The following MEAF6 variants were observed in gnomAD, a reference collection of about 807,000 sequenced individuals.
The protein encoded by MEAF6 is MYST/Esa1 associated factor 6, also known as chromatin modification-related protein MEAF6.
Under a neutral mutation model 28.9 loss-of-function variants are expected in MEAF6, and 15 were observed. The observed-to-expected ratio is 0.52, with a 90% CI of 0.35 to 0.80. MEAF6 has a LOEUF of 0.80. Ranked by LOEUF, MEAF6 falls within the 30% of genes least tolerant of loss-of-function variation. The pLI is 0.01. For synonymous variants in MEAF6, 97 were observed against 88.7 expected (o/e 1.09, Z -0.53); for missense variants, 178 against 237.5 (o/e 0.75, Z 1.65).
In MEAF6 at chr1:37,501,794, T is replaced by C. The variant is rs1365870216; in HGVS notation, c.533+10A>G. On this transcript the variant is annotated intron_variant, in intron 5 of 6. Transcript: ENST00000296214. ...ATGGGAGCTGCGGGGGTGGGATCCC[T>C]GCCACTGACCTGTGCCGGTTTTTAT... The C allele has an allele frequency of 1.3e-6, 2 of 1,552,270 alleles. No individual in the cohort carries two copies. Among genetic ancestry groups the C allele is most frequent in the South Asian group, 1.2e-5 (1 of 84,774 alleles).
rs1642328441 is a variant in MEAF6, at chr1:37,502,139, TACATGTTGACAGAGA to T, written c.341-158_341-144del. 5 of 493,856 alleles carry T rather than the reference TACATGTTGACAGAGA, an allele frequency of 1.0e-5. No homozygotes were observed. In the Admixed American group the frequency reaches 1.8e-4, roughly 17 times the overall value. 30.6% of individuals were successfully genotyped at this position (493,856 alleles called of 1,614,324 possible). On this transcript the variant is annotated intron_variant, in intron 4 of 6. Transcript: ENST00000296214. Reference sequence around the variant, plus strand: ...AGAAGATACATGTTGACAGAGAAGATACATGTTGACAGAGAAGATACATACAAAGGATCCAAGTGA... The same window carrying T: ...AGAAGATACATGTTGACAGAGAAGATAGATACATACAAAGGATCCAAGTGA...
intron 6 of MEAF6, among the ~76,000 whole-genome samples, chr1:37,495,042 T>C (rs1440471606): frequency 6.6e-6 from 1 of 151,142 alleles, no homozygotes; most frequent in Non-Finnish European, 1.5e-5. Context: ...TCATTAAAAA[T>C]GTATGTGACC....
intron 5 of MEAF6, among the ~76,000 whole-genome samples, chr1:37,500,236 C>T (rs1002552469): frequency 4.6e-5 from 7 of 151,938 alleles, no homozygotes; most frequent in African/African-American, 1.7e-4. Context: ...GCAGAGGCTG[C>T]AGGGGCTGAG....
chr1:37,510,019 T>C (rs1433941658), intron 2 of MEAF6, among the ~76,000 whole-genome samples: 4 of 151,820 alleles, frequency 2.6e-5, no homozygotes, highest in Non-Finnish European at 5.9e-5. Context: ...TCAGGTGATC[T>C]ACCCACATCA....
rs1264365389 is a variant in MEAF6 at position 37,514,735 on chromosome 1, G to C, written c.12C>G (p.His4Gln). Reference protein sequence around the residue: MAMHNKAAPPQIPD... With the variant: MAMQNKAAPPQIPD... Reference sequence around the variant, plus strand: ...GGATCTGCGGCGGCGCCGCCTTGTTGTGCATCGCCATGTTGGGCTGAGGCG... The same window carrying C: ...GGATCTGCGGCGGCGCCGCCTTGTTCTGCATCGCCATGTTGGGCTGAGGCG... The change falls in exon 1 of 7, where the codon CAC becomes CAG. Residue 4 changes from histidine (H) to glutamine (Q), a missense_variant. Around this residue, in one of 2 missense-constraint regions of MEAF6, gnomAD observed 54 missense variants for 37.0 expected, o/e 1.46. Coordinates refer to ENST00000296214, the MANE Select transcript of MEAF6 (RefSeq NM_001270875.3). The C allele has an allele frequency of 6.6e-7, 1 of 1,522,936 alleles. No homozygotes were observed. Among genetic ancestry groups the C allele is most frequent in the Non-Finnish European group, 8.8e-7 (1 of 1,140,418 alleles). 94.3% of individuals were successfully genotyped at this position (1,522,936 alleles called of 1,614,324 possible).
At chr1:37,514,512 CGCACCCGGCCTCAGGCCGCCGA>C (rs1205748922) in intron 1 of MEAF6, 123 bp downstream of exon 1, 21 of 462,980 alleles carry the variant, frequency 4.5e-5, no homozygotes, top group South Asian at 1.7e-4. Flanking sequence ...CCGCAGAATG[CGCACCCGGCCTCAGGCCGCCGA>C]GCACCCGGCC....
At chr1:37,494,928 T>C (rs1392753202) in intron 6 of MEAF6, among the ~76,000 whole-genome samples, 1 of 152,194 alleles carries the variant, frequency 6.6e-6, no homozygotes, top group South Asian at 2.1e-4. Flanking sequence ...CATAAAGGGA[T>C]TGAAACATCA....
chr1:37,505,193 T>A (rs1278936181), intron 4 of MEAF6, among the ~76,000 whole-genome samples: 2 of 152,180 alleles, frequency 1.3e-5, no homozygotes, highest in African/African-American at 2.4e-5. Flanking sequence ...CCAGTTTTCT[T>A]CTTTCTATGG....
intron 5 of MEAF6, among the ~76,000 whole-genome samples, chr1:37,499,169 A>G (rs1474246977): frequency 6.6e-6 from 1 of 152,038 alleles, no homozygotes; most frequent in Non-Finnish European, 1.5e-5. Flanking sequence ...AAAAAATTTC[A>G]TATTCCTGAA....
At chr1:37,504,231 T>C (rs1307976574) in intron 4 of MEAF6, among the ~76,000 whole-genome samples, 5 of 152,176 alleles carry the variant, frequency 3.3e-5, no homozygotes, top group Non-Finnish European at 5.9e-5. Flanking sequence ...TCCTCCATGA[T>C]TGTAAGTTTC....
At chr1:37,505,036 A>C (rs1404756234) in intron 4 of MEAF6, among the ~76,000 whole-genome samples, 1 of 151,830 alleles carries the variant, frequency 6.6e-6, no homozygotes, top group Non-Finnish European at 1.5e-5. Context: ...GGCACCCACC[A>C]CCATGCCCGG....
chr1:37,495,703 ACAAAAAAAAAAAAAAAC>A (rs1557603910), intron 6 of MEAF6, among the ~76,000 whole-genome samples, 165 bp downstream of exon 6: 1 of 113,006 alleles, frequency 8.8e-6, no homozygotes, highest in Non-Finnish European at 2.0e-5. Context: ...AAAACAAAAA[ACAAAAAAAAAAAAAAAC>A]AAAAAAACCA....
intron 4 of MEAF6, among the ~76,000 whole-genome samples, chr1:37,508,824 T>C (rs1266370185): frequency 2.6e-5 from 4 of 152,148 alleles, no homozygotes; most frequent in Admixed American, 1.3e-4. Flanking sequence ...TGTTCACAAA[T>C]GGTGGCTCAC....
At chr1:37,508,508 C>T (rs1298013265) in intron 4 of MEAF6, among the ~76,000 whole-genome samples, 1 of 151,876 alleles carries the variant, frequency 6.6e-6, no homozygotes, top group Non-Finnish European at 1.5e-5. Context: ...TGAACTTGAA[C>T]TTGTGGGCTC....
rs1423655277 is a variant in MEAF6, at chr1:37,514,630, C to T, written c.90+27G>A. On this transcript the variant is annotated intron_variant, in intron 1 of 6. Transcript: ENST00000296214. ...GCGGGGCGGGCGCGGAGCCCCATGC[C>T]GTGCAACCCCTGTCCTAGCCCCTCA... is the stretch of plus-strand genomic sequence containing the variant. 2.0e-6 allele frequency: 3 copies of T among 1,481,478 alleles called. No individual in the cohort carries two copies. The South Asian group carries it at 3.8e-5, about 19-fold the overall frequency. The allele number at this position is 1,481,478 out of a possible 1,614,324, so 91.8% of individuals were successfully genotyped here.
At chr1:37,513,707 A>C in intron 1 of MEAF6, 169 bp from the exon 2 acceptor site, 1 of 620,230 alleles carries the variant, frequency 1.6e-6, no homozygotes, top group Admixed American at 2.7e-5. Flanking sequence ...GGACTAAGAC[A>C]GTCTAGACCT....
chr1:37,504,492 C>G (rs1013161389), intron 4 of MEAF6, among the ~76,000 whole-genome samples: 1 of 151,876 alleles, frequency 6.6e-6, no homozygotes, highest in Non-Finnish European at 1.5e-5. Context: ...ATTATCTGGC[C>G]GAGCACAGTG....
chr1:37,502,525 T>C (rs1642345281), intron 4 of MEAF6, among the ~76,000 whole-genome samples: 1 of 151,550 alleles, frequency 6.6e-6, no homozygotes, highest in African/African-American at 2.4e-5. Flanking sequence ...ATTCCTGAAT[T>C]ACTCTGATAA....
intron 2 of MEAF6, among the ~76,000 whole-genome samples, chr1:37,510,645 G>C (rs1282708526): frequency 6.6e-6 from 1 of 152,128 alleles, no homozygotes; most frequent in African/African-American, 2.4e-5. Flanking sequence ...GCCTTCCAAA[G>C]TGCTGGGATT....
Sources: gnomAD v4.1 joint callset for allele counts (sites outside exome capture counted in the v4.1 genomes callset) on GRCh38, gnomAD v4.1.1 for gene constraint, gnomAD v4.1.1 regional missense constraint, MANE v1.5 for transcripts, NCBI Gene and HGNC (gene_info 2026-07-23, HGNC 2026-07-21) for gene names.